GNL3: variants seen among roughly 807,000 people sequenced by gnomAD.
The protein encoded by GNL3 is G protein nucleolar 3.
GNL3 carries 77 observed loss-of-function variants against 70.6 expected under a neutral mutation model. The ratio of observed to expected loss-of-function variants is 1.09; its 90% CI spans 0.91 to 1.32. The LOEUF is 1.32. Ranked by LOEUF, GNL3 falls within the 40% of genes most tolerant of loss-of-function variation. The pLI is 0.00. For synonymous variants in GNL3, 252 were observed against 216.1 expected (o/e 1.17, Z -1.46); for missense variants, 634 against 644.0 (o/e 0.98, Z 0.17).
At chr3:52,692,752 T>C (rs1246251791) in intron 9 of GNL3, 120 bp from the exon 10 acceptor site, 1 of 796,522 alleles carries the variant, frequency 1.3e-6, no homozygotes, top group Non-Finnish European at 2.2e-6. Flanking sequence ...AAGCAAATGA[T>C]GATAAACTGG....
chr3:52,693,176 T>C lies in GNL3; in HGVS notation c.1045-11T>C. ...TGAAGGACAGCTCCTTTGTTTGGTTTTTTTTTTAAGGTAGTACTGAAATAT... is the reference window on the plus strand; with the variant it reads ...TGAAGGACAGCTCCTTTGTTTGGTTCTTTTTTTAAGGTAGTACTGAAATAT... On this transcript the variant is annotated splice_polypyrimidine_tract_variant and intron_variant, in intron 10 of 14. Transcript: ENST00000418458. 6.3e-7 allele frequency: 1 copy of C among 1,591,392 alleles called. No homozygotes were observed. The highest frequency in any genetic ancestry group is 8.5e-7 in the Non-Finnish European group (1 of 1,173,384).
At chr3:52,686,734 T>A (rs376736691) in intron 1 of GNL3, 35 bp from the exon 2 acceptor site, 3 of 1,490,944 alleles carry the variant, frequency 2.0e-6, no homozygotes, top group South Asian at 2.3e-5. Context: ...AACTAATCAT[T>A]TGGGTTAACA....
In GNL3 at chr3:52,693,347, T is replaced by C; in HGVS notation, c.1187+18T>C. 1 of 1,613,602 alleles carries C rather than the reference T, an allele frequency of 6.2e-7. No homozygotes were observed. Among genetic ancestry groups the C allele is most frequent in the Non-Finnish European group, 8.5e-7 (1 of 1,179,874 alleles). On this transcript the variant is annotated intron_variant, in intron 11 of 14. Coordinates refer to ENST00000418458, the MANE Select transcript of GNL3 (RefSeq NM_014366.5). ...TGGACAGGGTAAGCTTTCTTTTCTG[T>C]TGGCATTTTGGTGACCACTAGAATA... is the stretch of plus-strand genomic sequence containing the variant.
intron 1 of GNL3, chr3:52,686,361 G>GC (rs1231398000): frequency 8.5e-6 from 5 of 590,748 alleles, no homozygotes; most frequent in Non-Finnish European, 1.5e-5. Context: ...TCGTAAGGAA[G>GC]CAGCGTCTGA....
In GNL3 at chr3:52,688,166, A is replaced by G. The variant is rs766465932; in HGVS notation, c.382A>G (p.Lys128Glu). 1.2e-6 allele frequency: 2 copies of G among 1,608,602 alleles called. No individual in the cohort carries two copies. Among genetic ancestry groups the G allele is most frequent in the Admixed American group, 3.3e-5 (2 of 60,010 alleles). ...CAAGTCGGGCAAACAGAATTCAAAG[A>G]AGCTGTACTGCCAAGAACTTAAAAA... ...KAKSGKQNSK[K>E]LYCQELKKVI... is the part of the protein sequence containing the mutation. Residue 128 changes from lysine (K) to glutamate (E), a missense_variant, in exon 5 of 15, where the codon AAG becomes GAG. Physicochemically the swap from Lys to Glu is moderately conservative, Grantham distance 56. Transcript: ENST00000418458.
At position 52,687,360 on chromosome 3, in the gene GNL3, G is replaced by A. The variant is rs369779942; in HGVS notation, c.187G>A (p.Glu63Lys). 20 of 1,613,766 alleles carry A rather than the reference G, an allele frequency of 1.2e-5. No individual in the cohort carries two copies. The highest frequency in any genetic ancestry group is 1.6e-5 in the Non-Finnish European group (19 of 1,179,846). ...TCCCTTTAAGGAGGCTCTTCTTAGG[G>A]AAGCTGAGCTAAGGAAACAGAGGGT... ...SAPFKEALLR[E>K]AELRKQRLEE... is the part of the protein sequence containing the mutation. The change falls in exon 3 of 15, where the codon GAA (glutamate) becomes AAA (lysine). Residue 63 changes from glutamate to lysine, a missense_variant. Physicochemically the swap from Glu to Lys is moderately conservative, Grantham distance 56 (BLOSUM62 1). Coordinates refer to ENST00000418458, the MANE Select transcript of GNL3 (RefSeq NM_014366.5).
intron 8 of GNL3, 24 bp from the exon 9 acceptor site, chr3:52,691,518 T>C (rs1374341571): frequency 7.4e-7 from 1 of 1,349,744 alleles, no homozygotes; most frequent in Non-Finnish European, 1.1e-6. Context: ...GCTTTTTATA[T>C]CTGGATTTCC....
rs777391633 is a variant in GNL3 at position 52,694,223 on chromosome 3, A to G, written c.1598A>G (p.Asp533Gly). 7 of 1,597,386 alleles carry G rather than the reference A, an allele frequency of 4.4e-6. No individual in the cohort carries two copies. The African/African-American group carries it at 9.4e-5, about 21-fold the overall frequency. Residue 533 changes from aspartate (D) to glycine (G), a missense_variant, in exon 15 of 15, where the codon GAT becomes GGT. Coordinates refer to ENST00000418458, the MANE Select transcript of GNL3 (RefSeq NM_014366.5). ...GEQSTRSFIL[D>G]KIIEEDDAYD... is the part of the protein sequence containing the mutation. ...CAGTCTACAAGGTCTTTTATCTTGG[A>G]TAAAATCATTGAAGAGGATGATGCT...
intron 5 of GNL3, 147 bp downstream of exon 5, chr3:52,688,339 A>G: frequency 1.7e-6 from 1 of 572,116 alleles, no homozygotes; most frequent in Non-Finnish European, 3.2e-6. Flanking sequence ...TGTACAGATT[A>G]TTTCATCACC....
At chr3:52,689,899 C>A (rs1418341042) in intron 6 of GNL3, among the ~76,000 whole-genome samples, 1 of 152,168 alleles carries the variant, frequency 6.6e-6, no homozygotes, top group Non-Finnish European at 1.5e-5. Context: ...TTGCAGTGAG[C>A]CGATACTGTG....
In GNL3 at chr3:52,689,169, T is replaced by G; in HGVS notation, c.504T>G (p.Ser168Arg). The G allele has an allele frequency of 6.2e-7, 1 of 1,613,476 alleles. No individual in the cohort carries two copies. Among genetic ancestry groups the G allele is most frequent in the Non-Finnish European group, 8.5e-7 (1 of 1,179,486 alleles). Residue 168 changes from serine to arginine, a missense_variant, in exon 6 of 15, where the codon AGT (serine) becomes AGG (arginine). Physicochemically the swap from Ser to Arg is moderately radical, Grantham distance 110 (BLOSUM62 -1). Transcript: ENST00000418458. ...AGGTAGAAGAGGCCATTGTCCAGAG[T>G]GGACAGAAAAAGCTGGTACTTATAT... ...CPQVEEAIVQSGQKKLVLILN... is the reference protein window; with the variant it reads ...CPQVEEAIVQRGQKKLVLILN...
Position 52,686,040 on chromosome 3 carries a change from C to T in GNL3, c.-53C>T. On this transcript the variant is annotated 5_prime_UTR_variant, in exon 1 of 15. It adds an upstream start codon to the 5' untranslated region. Transcript: ENST00000418458. ...CGCTCGTCAGTGGCTTCAGTTCACA[C>T]GTGGCGCCAGCGGAGGCAGGTTGAT... 2 of 873,350 alleles carry T rather than the reference C, an allele frequency of 2.3e-6. No homozygotes were observed. Among genetic ancestry groups the T allele is most frequent in the Non-Finnish European group, 4.0e-6 (2 of 503,008 alleles). The allele number at this position is 873,350 out of a possible 1,614,324, so 54.1% of individuals were successfully genotyped here.
chr3:52,687,037 T>TTAA (rs2097316612), intron 2 of GNL3: 2 of 631,254 alleles, frequency 3.2e-6, no homozygotes, highest in Admixed American at 2.9e-5. Context: ...GTTCAGCATG[T>TTAA]TAATCTCTGC....
At chr3:52,692,824 C>G (rs2097328644) in intron 9 of GNL3, 48 bp from the exon 10 acceptor site, 2 of 1,459,730 alleles carry the variant, frequency 1.4e-6, no homozygotes. Flanking sequence ...TGTCTCTTAA[C>G]CTCCAAATAG....
In GNL3 at chr3:52,691,467, A is replaced by G. The variant is rs1403873187; in HGVS notation, c.782-75A>G. On this transcript the variant is annotated intron_variant, in intron 8 of 14. Coordinates refer to ENST00000418458, the MANE Select transcript of GNL3 (RefSeq NM_014366.5). ...CTTGCCCTAAACATCAGGGAAATGG[A>G]AAATTAGGCAGTGAAAATTTCATAA... 3.4e-6 allele frequency: 3 copies of G among 870,896 alleles called. No homozygotes were observed. In the African/African-American group the frequency reaches 5.0e-5, roughly 15 times the overall value. 53.9% of individuals were successfully genotyped at this position (870,896 alleles called of 1,614,324 possible). A position where few individuals can be genotyped will look rare whatever the true frequency, so the allele number is the denominator to read the frequency against.
Position 52,694,300 on chromosome 3 carries a change from T to G in GNL3, c.*25T>G. The stretch of plus-strand genomic sequence containing the variant: ...ACAGAACAATGGCTTTTTATGATTT[T>G]TTTTTTAACATTTTAAGCAGACTGC... On this transcript the variant is annotated 3_prime_UTR_variant, in exon 15 of 15. Coordinates refer to ENST00000418458, the MANE Select transcript of GNL3 (RefSeq NM_014366.5). The G allele has an allele frequency of 7.6e-7, 1 of 1,320,552 alleles. No individual in the cohort carries two copies. The highest frequency in any genetic ancestry group is 1.1e-6 in the Non-Finnish European group (1 of 928,850). 81.8% of individuals were successfully genotyped at this position (1,320,552 alleles called of 1,614,324 possible).
chr3:52,690,868 C>G, intron 7 of GNL3, 77 bp from the exon 8 acceptor site: 3 of 1,456,426 alleles, frequency 2.1e-6, no homozygotes, highest in East Asian at 2.3e-5. Context: ...GAGCTGGGCT[C>G]TGGAGCCTGA....
At chr3:52,687,453 G>A in intron 3 of GNL3, 49 bp from the exon 4 acceptor site, 1 of 1,591,418 alleles carries the variant, frequency 6.3e-7, no homozygotes, top group Non-Finnish European at 8.6e-7. Context: ...TCAGAGTAAG[G>A]TAACAACACT....
rs746020884 is a variant in GNL3 at position 52,687,256 on chromosome 3, A to G, written c.83A>G (p.His28Arg). The change falls in exon 3 of 15, where the codon CAT becomes CGT. Residue 28 changes from histidine (H) to arginine (R), a missense_variant. By Grantham distance (29) the His-to-Arg change is conservative. Transcript: ENST00000418458. ...RYKIQKKVRE[H>R]HRKLRKEAKK... Reference sequence around the variant, plus strand: ...TCTTTATTTTAATAGGTTCGAGAACATCATCGAAAATTAAGAAAGGAGGCT... The same window carrying G: ...TCTTTATTTTAATAGGTTCGAGAACGTCATCGAAAATTAAGAAAGGAGGCT... The G allele has an allele frequency of 1.9e-6, 3 of 1,612,240 alleles. No homozygotes were observed. Among genetic ancestry groups the G allele is most frequent in the Non-Finnish European group, 1.7e-6 (2 of 1,178,496 alleles).
Sources: gnomAD v4.1 joint callset for allele counts (sites outside exome capture counted in the v4.1 genomes callset) on GRCh38, gnomAD v4.1.1 for gene constraint, MANE v1.5 for transcripts, NCBI Gene and HGNC (gene_info 2026-07-23, HGNC 2026-07-21) for gene names.